Variants in KIAA1217 observed in about 807,000 individuals in gnomAD.
KIAA1217 encodes KIAA1217, also known as sickle tail protein homolog.
KIAA1217 carries 88 observed loss-of-function variants against 163.9 expected under a neutral mutation model. That is an observed-to-expected ratio of 0.54 (90% confidence interval 0.45 to 0.64). KIAA1217 has a LOEUF of 0.64. Ranked by LOEUF, KIAA1217 falls within the 30% of genes least tolerant of loss-of-function variation. KIAA1217 has a pLI of 0.00. For synonymous variants in KIAA1217, 903 were observed against 923.1 expected (o/e 0.98, Z 0.39); for missense variants, 2,372 against 2,475.0 (o/e 0.96, Z 0.88).
chr10:24,467,189 T>C (rs981025920), intron 5 of KIAA1217, among the ~76,000 whole-genome samples: 1 of 152,238 alleles, frequency 6.6e-6, no homozygotes, highest in African/African-American at 2.4e-5. Context: ...TAACTCAGAC[T>C]TCAGATCTTA....
intron 2 of KIAA1217, among the ~76,000 whole-genome samples, chr10:24,030,052 G>C (rs1367147556): frequency 6.6e-6 from 1 of 152,192 alleles, no homozygotes; most frequent in Non-Finnish European, 1.5e-5. Flanking sequence ...GACAGAGAGA[G>C]AGTGGGCCAT....
At chr10:23,934,591 G>GTA (rs1284125761) in intron 1 of KIAA1217, among the ~76,000 whole-genome samples, 29 of 27,988 alleles carry the variant, frequency 1.0e-3, no homozygotes, top group East Asian at 9.8e-3. Flanking sequence ...ATATATATAT[G>GTA]TATATATATA....
rs1040777211 is a variant in KIAA1217 at position 24,455,493 on chromosome 10, A to C, written c.846+17014A>C. 3.9e-5 allele frequency among the ~76,000 whole-genome samples: 6 copies of C among 152,366 alleles called. No homozygotes were observed. In the South Asian group the frequency reaches 1.2e-3, roughly 32 times the overall value. On this transcript the variant is annotated intron_variant, in intron 5 of 20. Coordinates refer to ENST00000376454, the MANE Select transcript of KIAA1217 (RefSeq NM_019590.5). Reference sequence around the variant, plus strand: ...GTTTTTCTATCAAGAACCATGCTAAAGCACCCAGTTCCCTGTTTTTGATAT... The same window carrying C: ...GTTTTTCTATCAAGAACCATGCTAACGCACCCAGTTCCCTGTTTTTGATAT...
chr10:24,113,208 A>G (rs932484870), intron 2 of KIAA1217, among the ~76,000 whole-genome samples: 1 of 152,134 alleles, frequency 6.6e-6, no homozygotes, highest in Non-Finnish European at 1.5e-5. Context: ...TTCAATGGAG[A>G]CTGTAGACAT....
At chr10:23,909,575 G>A (rs1450243550) in intron 1 of KIAA1217, among the ~76,000 whole-genome samples, 1 of 151,830 alleles carries the variant, frequency 6.6e-6, no homozygotes, top group Non-Finnish European at 1.5e-5. Context: ...GAAAGCTAAG[G>A]GAATGATGGT....
chr10:24,470,443 G>GA (rs1432881532), intron 5 of KIAA1217, among the ~76,000 whole-genome samples: 3 of 152,156 alleles, frequency 2.0e-5, no homozygotes, highest in Non-Finnish European at 4.4e-5. Context: ...CAGGGCAGGG[G>GA]CCATGCAGAG....
intron 1 of KIAA1217, among the ~76,000 whole-genome samples, chr10:23,779,332 C>CT (rs1038635671): frequency 6.6e-6 from 1 of 152,162 alleles, no homozygotes; most frequent in Non-Finnish European, 1.5e-5. Context: ...CAAGCTCCTC[C>CT]TTTTCTTTCT....
intron 2 of KIAA1217, among the ~76,000 whole-genome samples, chr10:24,125,514 T>C (rs921577006): frequency 6.6e-6 from 1 of 152,144 alleles, no homozygotes; most frequent in African/African-American, 2.4e-5. Context: ...GTTTTTGATA[T>C]TTTTTCTTTT....
chr10:24,379,127 T>TAA (rs35860991), intron 2 of KIAA1217, among the ~76,000 whole-genome samples: 15 of 151,414 alleles, frequency 9.9e-5, no homozygotes, highest in African/African-American at 2.2e-4. Context: ...CTACCTTCTT[T>TAA]AAAAAAAAAT....
chr10:24,521,022 T>C (rs1176237062), intron 11 of KIAA1217, among the ~76,000 whole-genome samples: 9 of 126,190 alleles, frequency 7.1e-5, no homozygotes, highest in African/African-American at 2.4e-4. Context: ...CAAAACCCCA[T>C]CTCTAAAAAA....
At chr10:24,394,254 A>G (rs1429534587) in intron 3 of KIAA1217, among the ~76,000 whole-genome samples, 1 of 152,190 alleles carries the variant, frequency 6.6e-6, no homozygotes, top group African/African-American at 2.4e-5. Context: ...GAGTTTGGCT[A>G]CTCAAAAGTT....
In KIAA1217 at chr10:24,211,361, C is replaced by CTTTT. The variant is rs1201397959; in HGVS notation, c.70+2124_70+2127dup. On this transcript the variant is annotated intron_variant, in intron 1 of 20. Coordinates refer to ENST00000376454, the MANE Select transcript of KIAA1217 (RefSeq NM_019590.5). Reference sequence around the variant, plus strand: ...GGGAATCTCCTGGCAGGTGGGACTACTTTTTTTTTTTTTTTTTTTTTTTTT... The same window carrying CTTTT: ...GGGAATCTCCTGGCAGGTGGGACTACTTTTTTTTTTTTTTTTTTTTTTTTTTTTT... Among the ~76,000 whole-genome samples the CTTTT allele has an allele frequency of 1.3e-3, 81 of 60,194 alleles. 4 individuals carry two copies. Among genetic ancestry groups the CTTTT allele is most frequent in the African/African-American group, 4.5e-3 (69 of 15,328 alleles). 39.5% of individuals were successfully genotyped at this position (60,194 alleles called of 152,430 possible).
chr10:24,536,671 A>T, intron 16 of KIAA1217, 103 bp from the exon 17 acceptor site: 1 of 1,230,710 alleles, frequency 8.1e-7, no homozygotes, highest in Non-Finnish European at 1.2e-6. Context: ...TGCGTGCAGG[A>T]CCCGGGTTGG....
At chr10:24,201,942 C>T (rs2067281368) in intron 2 of KIAA1217, among the ~76,000 whole-genome samples, 1 of 152,066 alleles carries the variant, frequency 6.6e-6, no homozygotes, top group African/African-American at 2.4e-5. Context: ...TCCTCCTATC[C>T]AGCACCCCAT....
At chr10:24,275,646 T>C (rs369057409) in intron 2 of KIAA1217, 2 of 472,774 alleles carry the variant, frequency 4.2e-6, no homozygotes, top group Non-Finnish European at 8.7e-6. Flanking sequence ...CTCAAGTATG[T>C]TTTTTTTCTC....
intron 2 of KIAA1217, among the ~76,000 whole-genome samples, chr10:24,061,948 C>A (rs2060739299): frequency 6.6e-6 from 1 of 152,172 alleles, no homozygotes; most frequent in Non-Finnish European, 1.5e-5. Flanking sequence ...ATCTTTCAAC[C>A]ATTATTCATT....
chr10:24,305,669 C>T (rs765960476), intron 2 of KIAA1217, among the ~76,000 whole-genome samples: 2 of 152,166 alleles, frequency 1.3e-5, no homozygotes, highest in African/African-American at 2.4e-5. Context: ...GTAACTGTTA[C>T]GTCTTACTTG....
intron 2 of KIAA1217, among the ~76,000 whole-genome samples, chr10:24,172,769 C>T (rs967387516): frequency 3.3e-5 from 5 of 152,194 alleles, no homozygotes; most frequent in Non-Finnish European, 7.3e-5. Flanking sequence ...CAAACTCAGG[C>T]ACTCCGTATA....
chr10:23,991,090 C>G (rs1029121947), intron 1 of KIAA1217, among the ~76,000 whole-genome samples: 1 of 152,152 alleles, frequency 6.6e-6, no homozygotes, highest in Non-Finnish European at 1.5e-5. Flanking sequence ...ACATTTAGAG[C>G]CAGGATTGTC....
Sources: allele counts gnomAD v4.1 joint callset (sites outside exome capture counted in the v4.1 genomes callset), GRCh38; gene constraint gnomAD v4.1.1; transcripts MANE v1.5; gene names NCBI Gene and HGNC (gene_info 2026-07-23, HGNC 2026-07-21).